ESRP1: variants seen among roughly 807,000 people sequenced by gnomAD.
ESRP1 encodes RNA-binding motif protein 35A.
ESRP1 carries 33 observed loss-of-function variants against 81.7 expected under a neutral mutation model. The ratio of observed to expected loss-of-function variants is 0.40; its 90% CI spans 0.31 to 0.54. The LOEUF is 0.54. Ranked by LOEUF, ESRP1 falls within the 20% of genes least tolerant of loss-of-function variation. ESRP1 has a pLI of 0.41. For synonymous variants in ESRP1, 320 were observed against 303.3 expected (o/e 1.06, Z -0.57); for missense variants, 672 against 833.1 (o/e 0.81, Z 2.38).
intron 1 of ESRP1, 142 bp from the exon 2 acceptor site, chr8:94,641,814 C>G: frequency 7.4e-7 from 1 of 1,358,856 alleles, no homozygotes; most frequent in Non-Finnish European, 9.8e-7. Flanking sequence ...CGCACCGGAA[C>G]CGATGGCGAG....
At chr8:94,699,496 AT>A (rs1453991146) in intron 15 of ESRP1, among the ~76,000 whole-genome samples, 3 of 151,926 alleles carry the variant, frequency 2.0e-5, no homozygotes, top group African/African-American at 7.3e-5. Flanking sequence ...AATACAGAAA[AT>A]TACCTAGGTG....
intron 11 of ESRP1, 115 bp downstream of exon 11, chr8:94,671,786 T>A: frequency 1.5e-6 from 1 of 646,012 alleles, no homozygotes; most frequent in Non-Finnish European, 2.4e-6. Context: ...ATATTAGTCT[T>A]TGATAAATAA....
At chr8:94,687,170 C>G (rs1199988805) in intron 13 of ESRP1, among the ~76,000 whole-genome samples, 1 of 152,130 alleles carries the variant, frequency 6.6e-6, no homozygotes, top group African/African-American at 2.4e-5. Flanking sequence ...TTCACTGACC[C>G]CTCTCCCCAC....
At chr8:94,676,497 T>A (rs997147848) in intron 12 of ESRP1, among the ~76,000 whole-genome samples, 2 of 152,022 alleles carry the variant, frequency 1.3e-5, no homozygotes, top group Non-Finnish European at 2.9e-5. Context: ...ATGTGTGGTT[T>A]TTTTTTGTTT....
chr8:94,698,544 G>A (rs1809694679), intron 15 of ESRP1, among the ~76,000 whole-genome samples: 1 of 152,204 alleles, frequency 6.6e-6, no homozygotes, highest in Admixed American at 6.5e-5. Context: ...CCAGATTAAT[G>A]TTTTCTCCTC....
Position 94,690,860 on chromosome 8 carries a change from T to C in ESRP1, c.1821-1817T>C, listed in dbSNP as rs185721283. Among the ~76,000 whole-genome samples, 198 of 152,328 alleles carry C rather than the reference T, an allele frequency of 1.3e-3. 2 individuals are homozygous for C. Among genetic ancestry groups the C allele is most frequent in the Non-Finnish European group, 1.9e-4 (13 of 68,014 alleles). ...ATATGTGCAGAAGTCCCGATGGTCTTTGAGTATTAGACTTGCTATCTTTCT... is the reference window on the plus strand; with the variant it reads ...ATATGTGCAGAAGTCCCGATGGTCTCTGAGTATTAGACTTGCTATCTTTCT... On this transcript the variant is annotated intron_variant, in intron 13 of 15. Transcript: ENST00000433389.
intron 10 of ESRP1, 90 bp downstream of exon 10, chr8:94,668,340 A>G: frequency 7.9e-7 from 1 of 1,259,334 alleles, no homozygotes; most frequent in Non-Finnish European, 1.1e-6. Context: ...TTATGTTAAA[A>G]TAAAACTGGC....
intron 9 of ESRP1, among the ~76,000 whole-genome samples, chr8:94,665,691 C>G (rs1818983649): frequency 6.6e-6 from 1 of 152,098 alleles, no homozygotes; most frequent in South Asian, 2.1e-4. Flanking sequence ...TGGGGTTTCA[C>G]CATGTTGGCC....
chr8:94,706,951 C>G lies in ESRP1; in HGVS notation c.*1062C>G, dbSNP rs1810089896. The G allele has an allele frequency of 3.3e-5, 5 of 152,158 alleles. No individual in the cohort carries two copies. The highest frequency in any genetic ancestry group is 7.3e-5 in the Non-Finnish European group (5 of 68,040). 9.4% of individuals were successfully genotyped at this position (152,158 alleles called of 1,614,324 possible). A position where few individuals can be genotyped will look rare whatever the true frequency, so the allele number is the denominator to read the frequency against. ...CTAGACTGAGAGGTAAACACTGATG[C>G]AATTAGAACAGGTACTGATGCTGTC... On this transcript the variant is annotated 3_prime_UTR_variant, in exon 16 of 16. Coordinates refer to ENST00000433389, the MANE Select transcript of ESRP1 (RefSeq NM_017697.4).
chr8:94,697,123 T>C (rs772163417), intron 15 of ESRP1, among the ~76,000 whole-genome samples, 162 bp downstream of exon 15: 1 of 152,224 alleles, frequency 6.6e-6, no homozygotes, highest in Non-Finnish European at 1.5e-5. Context: ...GTTTGTCATC[T>C]AGGTACATAG....
intron 13 of ESRP1, among the ~76,000 whole-genome samples, chr8:94,682,926 A>ATTTT (rs1563540906): frequency 9.5e-5 from 3 of 31,564 alleles, no homozygotes; most frequent in African/African-American, 4.2e-4. Flanking sequence ...ATATATATAT[A>ATTTT]TATATATTTT....
chr8:94,689,149 G>C lies in ESRP1; in HGVS notation c.1821-3528G>C, dbSNP rs1370172374. ...GCTTGTAATCCCAGGTACTTGGGAG[G>C]CTGAGGCACGAGAATTGCTTGAATC... On this transcript the variant is annotated intron_variant, in intron 13 of 15. Coordinates refer to ENST00000433389, the MANE Select transcript of ESRP1 (RefSeq NM_017697.4). Among the ~76,000 whole-genome samples the C allele has an allele frequency of 1.3e-4, 20 of 151,124 alleles. No individual in the cohort carries two copies. The Admixed American group carries it at 1.3e-3, about 10-fold the overall frequency.
intron 1 of ESRP1, 54 bp downstream of exon 1, chr8:94,641,504 T>C: frequency 6.2e-7 from 1 of 1,610,602 alleles, no homozygotes; most frequent in Non-Finnish European, 8.5e-7. Context: ...AAGTTTGTGG[T>C]AGAGGTTTGG....
chr8:94,674,216 G>A, intron 11 of ESRP1, 92 bp from the exon 12 acceptor site: 1 of 1,387,244 alleles, frequency 7.2e-7, no homozygotes, highest in Non-Finnish European at 1.0e-6. Context: ...CTGTATTATG[G>A]GTGATTGTCA....
At chr8:94,682,692 A>T in intron 13 of ESRP1, among the ~76,000 whole-genome samples, 1 of 131,330 alleles carries the variant, frequency 7.6e-6, no homozygotes, top group Non-Finnish European at 1.7e-5. Flanking sequence ...GCGCCAACAA[A>T]GGAAGCACAG....
intron 2 of ESRP1, 128 bp from the exon 3 acceptor site, chr8:94,643,175 C>G: frequency 1.7e-6 from 1 of 604,364 alleles, no homozygotes; most frequent in Non-Finnish European, 3.0e-6. Flanking sequence ...TCCAAGGTTG[C>G]CCCAGCACCG....
At chr8:94,681,121 A>C (rs548140486) in intron 13 of ESRP1, among the ~76,000 whole-genome samples, 18 of 151,418 alleles carry the variant, frequency 1.2e-4, no homozygotes, top group Middle Eastern at 3.4e-3. Flanking sequence ...GTCAGGAGAT[A>C]GAGACCATCC....
intron 13 of ESRP1, among the ~76,000 whole-genome samples, chr8:94,686,932 A>T (rs1397592310): frequency 6.6e-6 from 1 of 152,174 alleles, no homozygotes; most frequent in Non-Finnish European, 1.5e-5. Flanking sequence ...AAGCCTGTAC[A>T]CATGATTTTT....
intron 1 of ESRP1, chr8:94,641,749 C>T: frequency 1.2e-6 from 1 of 805,116 alleles, no homozygotes; most frequent in Non-Finnish European, 1.8e-6. Context: ...GCCCCGGGGT[C>T]CACTTCCAGG....
Sources: allele counts gnomAD v4.1 joint callset (sites outside exome capture counted in the v4.1 genomes callset), GRCh38; gene constraint gnomAD v4.1.1; transcripts MANE v1.5; gene names NCBI Gene and HGNC (gene_info 2026-07-23, HGNC 2026-07-21).